Variants in HIVEP2 observed in about 807,000 individuals in gnomAD.
HIVEP2 encodes the protein HIVEP zinc finger 2, also known as transcription factor HIVEP2.
In HIVEP2, 14 loss-of-function variants were observed where a neutral mutation model predicts 180.7. That is an observed-to-expected ratio of 0.08 (90% CI 0.05 to 0.12). The LOEUF (loss-of-function observed/expected upper bound fraction) is 0.12, where lower values mean the gene tolerates loss of function less well. Ranked by LOEUF, HIVEP2 falls within the 10% of genes least tolerant of loss-of-function variation. The probability of loss-of-function intolerance (pLI) is 1.00; values close to 1 mark genes in which losing one functional copy is unlikely to be tolerated. For missense variants in HIVEP2, 2,579 were observed against 3,008.5 expected, an observed-to-expected ratio of 0.86 and a Z score of 3.34; for synonymous variants, 1,184 against 1,136.4, an observed-to-expected ratio of 1.04 and a Z score of -0.84.
At chr6:142,905,414 C>T (rs536785690) in intron 1 of HIVEP2, among the ~76,000 whole-genome samples, 74 of 152,248 alleles carry the variant, frequency 4.9e-4, no homozygotes, top group African/African-American at 1.6e-3. Flanking sequence ...TTTCTGCAAA[C>T]GACCGGTGAG....
intron 1 of HIVEP2, among the ~76,000 whole-genome samples, chr6:142,844,870 A>C (rs1303147219): frequency 6.6e-6 from 1 of 152,208 alleles, no homozygotes; most frequent in East Asian, 1.9e-4. Flanking sequence ...AAAAACAATA[A>C]ACACATATGA....
At chr6:142,926,303 A>G (rs978211025) in intron 1 of HIVEP2, among the ~76,000 whole-genome samples, 4 of 152,226 alleles carry the variant, frequency 2.6e-5, no homozygotes, top group African/African-American at 9.7e-5. Context: ...GTATTCTTTT[A>G]AACCAAATTA....
chr6:142,788,797 A>C (rs1038494712), intron 2 of HIVEP2, among the ~76,000 whole-genome samples: 1 of 152,220 alleles, frequency 6.6e-6, no homozygotes, highest in Non-Finnish European at 1.5e-5. Context: ...TTTGTGAATT[A>C]GTTCAACAAA....
At chr6:142,814,977 CT>C (rs1486771153) in intron 2 of HIVEP2, among the ~76,000 whole-genome samples, 1 of 152,012 alleles carries the variant, frequency 6.6e-6, no homozygotes, top group African/African-American at 2.4e-5. Flanking sequence ...ACTAGGAAGT[CT>C]AAGATCAAGC....
At chr6:142,908,373 T>C (rs1777319997) in intron 1 of HIVEP2, among the ~76,000 whole-genome samples, 1 of 152,256 alleles carries the variant, frequency 6.6e-6, no homozygotes, top group African/African-American at 2.4e-5. Context: ...ATTGGTCTTT[T>C]TCTCTGAACT....
At chr6:142,811,441 A>T (rs1301808899) in intron 2 of HIVEP2, among the ~76,000 whole-genome samples, 1 of 152,224 alleles carries the variant, frequency 6.6e-6, no homozygotes, top group Non-Finnish European at 1.5e-5. Context: ...CCCTATTTAC[A>T]TCTTCTAAAC....
At chr6:142,819,981 T>C (rs375513828) in intron 2 of HIVEP2, among the ~76,000 whole-genome samples, 47 of 152,236 alleles carry the variant, frequency 3.1e-4, no homozygotes, top group African/African-American at 1.0e-3. Context: ...TGCAAATCTG[T>C]GGTGCTAATC....
At chr6:142,942,064 T>A (rs1778191382) in intron 1 of HIVEP2, among the ~76,000 whole-genome samples, 1 of 152,238 alleles carries the variant, frequency 6.6e-6, no homozygotes, top group African/African-American at 2.4e-5. Context: ...TAAATTACTT[T>A]ACATCCTCAT....
chr6:142,910,365 G>A (rs1777370967), intron 1 of HIVEP2, among the ~76,000 whole-genome samples: 1 of 152,234 alleles, frequency 6.6e-6, no homozygotes, highest in Non-Finnish European at 1.5e-5. Flanking sequence ...CACTTTGGGA[G>A]GCTGAGGCAG....
intron 1 of HIVEP2, among the ~76,000 whole-genome samples, chr6:142,856,588 A>G (rs1326836914): frequency 2.0e-5 from 3 of 152,242 alleles, no homozygotes; most frequent in Non-Finnish European, 4.4e-5. Flanking sequence ...CAAGCTTCAC[A>G]AAAGAGAAGC....
intron 1 of HIVEP2, among the ~76,000 whole-genome samples, chr6:142,931,659 C>T (rs1033555393): frequency 6.6e-6 from 1 of 152,128 alleles, no homozygotes; most frequent in African/African-American, 2.4e-5. Flanking sequence ...GTCTTCTATG[C>T]AAAATACATA....
chr6:142,810,180 C>T (rs1776655784), intron 2 of HIVEP2, among the ~76,000 whole-genome samples: 1 of 152,154 alleles, frequency 6.6e-6, no homozygotes, highest in Non-Finnish European at 1.5e-5. Flanking sequence ...TAACAGAGCT[C>T]CCAGCCATTG....
intron 2 of HIVEP2, among the ~76,000 whole-genome samples, chr6:142,829,503 A>C (rs1206163693): frequency 1.3e-5 from 2 of 152,192 alleles, no homozygotes; most frequent in Non-Finnish European, 2.9e-5. Context: ...TTATTTATAC[A>C]TCTCTGAGGA....
intron 2 of HIVEP2, among the ~76,000 whole-genome samples, chr6:142,834,189 A>G (rs1250362483): frequency 6.6e-6 from 1 of 152,196 alleles, no homozygotes; most frequent in African/African-American, 2.4e-5. Flanking sequence ...AATTGGTATA[A>G]GTAATAATAA....
At chr6:142,863,568 A>AT (rs542091289) in intron 1 of HIVEP2, among the ~76,000 whole-genome samples, 28 of 152,330 alleles carry the variant, frequency 1.8e-4, no homozygotes, top group Non-Finnish European at 3.4e-4. Flanking sequence ...CAAGTTATGA[A>AT]TTTTTTAAGA....
At position 142,771,058 on chromosome 6, in the gene HIVEP2, C is replaced by T; in HGVS notation, c.3681G>A (p.Gln1227=). The change falls in exon 5 of 10, where the codon CAG becomes CAA. Residue 1227 remains glutamine (Q), a synonymous_variant. Coordinates refer to ENST00000367603, the MANE Select transcript of HIVEP2 (RefSeq NM_006734.4). The surrounding 1 kb of genome is among the most constrained non-coding windows in gnomAD (Gnocchi z 5.4). ...HLPAQQPPWW[Q]AHFPHPFAQH... is the part of the protein sequence containing the mutation. The stretch of plus-strand genomic sequence containing the variant: ...GAGCAAAGGGATGTGGGAAATGTGC[C>T]TGCCACCAGGGAGGCTGCTGAGCTG... 1 of 1,614,176 alleles carries T rather than the reference C, an allele frequency of 6.2e-7. No homozygotes were observed. The highest frequency in any genetic ancestry group is 1.1e-5 in the South Asian group (1 of 91,078).
intron 1 of HIVEP2, among the ~76,000 whole-genome samples, chr6:142,917,225 A>G (rs1321732785): frequency 6.6e-6 from 1 of 152,226 alleles, no homozygotes; most frequent in Non-Finnish European, 1.5e-5. Context: ...TGTTGGTTTT[A>G]TCACTAATTC....
intron 2 of HIVEP2, among the ~76,000 whole-genome samples, chr6:142,796,045 TG>T (rs1176177538): frequency 7.2e-6 from 1 of 138,680 alleles, no homozygotes; most frequent in Non-Finnish European, 1.6e-5. Flanking sequence ...GAAAGTGACC[TG>T]TCAATTTTAA....
chr6:142,779,754 G>C (rs367857605), intron 3 of HIVEP2, among the ~76,000 whole-genome samples: 2 of 152,016 alleles, frequency 1.3e-5, no homozygotes, highest in East Asian at 3.9e-4. Flanking sequence ...TTAGCAATGA[G>C]GTAATACCTT....
Sources: gnomAD v4.1 joint callset for allele counts (sites outside exome capture counted in the v4.1 genomes callset) on GRCh38, gnomAD v4.1.1 for gene constraint, Gnocchi (gnomAD v3.1) non-coding constraint, MANE v1.5 for transcripts, NCBI Gene and HGNC (gene_info 2026-07-23, HGNC 2026-07-21) for gene names.